TENM3: variants seen among roughly 807,000 people sequenced by gnomAD.
TENM3 encodes the protein teneurin transmembrane protein 3.
TENM3 carries 63 observed loss-of-function variants against 255.1 expected under a neutral mutation model. The observed-to-expected ratio is 0.25, with a 90% CI of 0.20 to 0.30. The LOEUF is 0.30. TENM3 is among the 10% of genes least tolerant of loss of function. TENM3 has a pLI of 1.00. For missense variants in TENM3, 2,929 were observed against 3,461.1 expected (o/e 0.85, Z 3.86); for synonymous variants, 1,306 against 1,322.3 (o/e 0.99, Z 0.27).
chr4:182,125,186 CGCCCCTGCTGGG>C, the TENM3 span, among the ~76,000 whole-genome samples: 1 of 144,996 alleles, frequency 6.9e-6, no homozygotes. Flanking sequence ...GTGTGCTACT[CGCCCCTGCTGGG>C]ATGGTGAATC....
At chr4:181,826,962 G>T in the TENM3 span, among the ~76,000 whole-genome samples, 1 of 152,288 alleles carries the variant, frequency 6.6e-6, no homozygotes, top group Middle Eastern at 3.4e-3. Context: ...GTGTGGTGTT[G>T]CAGAAATGGC....
intron 3 of TENM3, among the ~76,000 whole-genome samples, chr4:182,498,673 G>A (rs1317069609): frequency 6.6e-6 from 1 of 151,966 alleles, no homozygotes; most frequent in Non-Finnish European, 1.5e-5. Context: ...GGCAAACATG[G>A]TGAAACCCCG....
intron 24 of TENM3, among the ~76,000 whole-genome samples, chr4:182,784,450 T>C (rs562947902): frequency 6.6e-6 from 1 of 151,416 alleles, no homozygotes; most frequent in Admixed American, 6.6e-5. Flanking sequence ...ACCACTGCTC[T>C]CTTCAAAGCT....
At chr4:181,569,432 A>G in the TENM3 span, among the ~76,000 whole-genome samples, 2 of 152,166 alleles carry the variant, frequency 1.3e-5, no homozygotes, top group African/African-American at 4.8e-5. Context: ...TTATTTCCAT[A>G]AGTGGATAGA....
At chr4:181,518,868 C>A in the TENM3 span, among the ~76,000 whole-genome samples, 1 of 152,272 alleles carries the variant, frequency 6.6e-6, no homozygotes, top group South Asian at 2.1e-4. Context: ...CGTACTGTCC[C>A]ATCCAAGGTA....
the TENM3 span, among the ~76,000 whole-genome samples, chr4:182,084,483 A>G: frequency 1.3e-5 from 2 of 152,192 alleles, no homozygotes; most frequent in Non-Finnish European, 2.9e-5. Flanking sequence ...GCATTCACTT[A>G]CAGATTTATT....
intron 3 of TENM3, among the ~76,000 whole-genome samples, chr4:182,455,631 G>A (rs1257671584): frequency 1.5e-5 from 2 of 131,406 alleles, no homozygotes; most frequent in African/African-American, 2.9e-5. Context: ...GCATGATCTC[G>A]CCTCACTGCA....
intron 3 of TENM3, among the ~76,000 whole-genome samples, chr4:182,348,434 A>G (rs1411926455): frequency 1.3e-5 from 2 of 152,170 alleles, no homozygotes; most frequent in African/African-American, 4.8e-5. Flanking sequence ...GCACTCCTTG[A>G]GCAATGGCAG....
At chr4:182,683,619 A>G (rs80061354) in intron 11 of TENM3, among the ~76,000 whole-genome samples, 2,934 of 152,298 alleles carry the variant, frequency 0.019, 98 homozygotes, top group African/African-American at 0.066. Flanking sequence ...AGGCAAAAAA[A>G]TTGGATTGGG....
chr4:181,462,627 T>A, the TENM3 span, among the ~76,000 whole-genome samples: 1 of 152,186 alleles, frequency 6.6e-6, no homozygotes, highest in Non-Finnish European at 1.5e-5. Flanking sequence ...TACTAAATTG[T>A]CCCCAGAAGT....
At position 182,455,474 on chromosome 4, in the gene TENM3, G is replaced by T. The variant is rs74354371; in HGVS notation, c.511+108545G>T. On this transcript the variant is annotated intron_variant, in intron 3 of 27. Transcript: ENST00000511685. Reference sequence around the variant, plus strand: ...CTCCTCCACTCCCACCTTCGCACCAGTATTTTCGCTGGTCGGTGCTGCCTG... The same window carrying T: ...CTCCTCCACTCCCACCTTCGCACCATTATTTTCGCTGGTCGGTGCTGCCTG... 9.6e-3 allele frequency among the ~76,000 whole-genome samples: 1,439 copies of T among 150,052 alleles called. 25 individuals carry two copies. Among genetic ancestry groups the T allele is most frequent in the Admixed American group, 0.025 (380 of 15,090 alleles).
chr4:182,188,541 A>G (rs906700583), intron 1 of TENM3, among the ~76,000 whole-genome samples: 4 of 152,178 alleles, frequency 2.6e-5, no homozygotes, highest in Non-Finnish European at 5.9e-5. Context: ...TTTTGTTTTC[A>G]TTTTAAAATT....
chr4:182,052,846 A>C, the TENM3 span, among the ~76,000 whole-genome samples: 2 of 152,142 alleles, frequency 1.3e-5, no homozygotes, highest in Non-Finnish European at 2.9e-5. Flanking sequence ...ATACGTGGGA[A>C]TCAAACTCTG....
Position 182,792,341 on chromosome 4 carries a change from C to A in TENM3, c.5669C>A (p.Ser1890Tyr). 1.2e-6 allele frequency: 2 copies of A among 1,614,016 alleles called. No homozygotes were observed. The highest frequency in any genetic ancestry group is 1.7e-6 in the Non-Finnish European group (2 of 1,179,898). Residue 1890 changes from serine to tyrosine, a missense_variant, in exon 26 of 28, where the codon TCT (serine) becomes TAT (tyrosine). Physicochemically the swap from Ser to Tyr is moderately radical, Grantham distance 144 (BLOSUM62 -2). Transcript: ENST00000511685. The surrounding 1 kb of genome is among the most constrained non-coding windows in gnomAD (Gnocchi z 6.3). ...GAATACGATATGTGGGACCGCCTGT[C>A]TGCCATCACCATGCCCAGTGTGGCT... ...IFEYDMWDRL[S>Y]AITMPSVARH...
the TENM3 span, among the ~76,000 whole-genome samples, chr4:181,549,957 A>G: frequency 6.6e-6 from 1 of 152,226 alleles, no homozygotes; most frequent in African/African-American, 2.4e-5. Context: ...TTAACAACTT[A>G]AAGATATAAT....
At chr4:181,630,693 G>A in the TENM3 span, among the ~76,000 whole-genome samples, 5 of 152,098 alleles carry the variant, frequency 3.3e-5, no homozygotes, top group South Asian at 6.2e-4. Flanking sequence ...ATTGCACTGC[G>A]GTCTGAGAAA....
the TENM3 span, among the ~76,000 whole-genome samples, chr4:181,984,118 C>T: frequency 6.6e-6 from 1 of 152,130 alleles, no homozygotes; most frequent in South Asian, 2.1e-4. Context: ...CCTAAAGCTT[C>T]CTGGAGTCTC....
At chr4:182,151,251 C>A (rs1252384196) in intron 1 of TENM3, among the ~76,000 whole-genome samples, 1 of 152,074 alleles carries the variant, frequency 6.6e-6, no homozygotes, top group Non-Finnish European at 1.5e-5. Flanking sequence ...ATATACTTTA[C>A]AGGGAGAAAT....
chr4:181,706,450 G>A, the TENM3 span, among the ~76,000 whole-genome samples: 8 of 152,114 alleles, frequency 5.3e-5, no homozygotes, highest in Non-Finnish European at 1.0e-4. Flanking sequence ...TTGTGGCACA[G>A]CACAGTCCCA....
Sources: allele counts gnomAD v4.1 joint callset (sites outside exome capture counted in the v4.1 genomes callset), GRCh38; gene constraint gnomAD v4.1.1; non-coding constraint Gnocchi (gnomAD v3.1); transcripts MANE v1.5; gene names NCBI Gene and HGNC (gene_info 2026-07-23, HGNC 2026-07-21).